The following SPECC1L variants were observed in gnomAD, a reference collection of about 807,000 sequenced individuals.
SPECC1L encodes the protein sperm antigen with calponin homology and coiled-coil domains 1 like.
In SPECC1L, 40 loss-of-function variants were observed where a neutral mutation model predicts 116.8. The observed-to-expected ratio is 0.34, with a 90% CI of 0.27 to 0.45. The LOEUF is 0.45. Among genes scored for constraint, SPECC1L ranks in the 20% least tolerant of loss-of-function variants. The pLI, the probability that SPECC1L is intolerant of heterozygous loss-of-function variation, is 1.00. For missense variants in SPECC1L, 1,110 were observed against 1,373.6 expected (o/e 0.81, Z 3.03); for synonymous variants, 504 against 500.6 (o/e 1.01, Z -0.09).
rs375957938 is a variant in SPECC1L at position 24,366,278 on chromosome 22, C to T, written c.2984+646C>T. On this transcript the variant is annotated intron_variant, in intron 13 of 16. Transcript: ENST00000314328. ...CGCGATCTCGGCTCACTGCAGGCTC[C>T]GCCCCCTGGGGTTCATGCCATTCTC... 4.6e-5 allele frequency among the ~76,000 whole-genome samples: 7 copies of T among 152,162 alleles called. No individual in the cohort carries two copies. The South Asian group carries it at 6.2e-4, about 14-fold the overall frequency.
chr22:24,339,856 C>A (rs1306825894), intron 10 of SPECC1L, among the ~76,000 whole-genome samples: 3 of 152,168 alleles, frequency 2.0e-5, no homozygotes, highest in African/African-American at 7.2e-5. Flanking sequence ...GATCTCGGCT[C>A]ACTGCACAAC....
intron 10 of SPECC1L, among the ~76,000 whole-genome samples, chr22:24,342,587 C>T (rs968187056): frequency 2.7e-5 from 4 of 150,588 alleles, no homozygotes; most frequent in South Asian, 2.1e-4. Context: ...GCAGAAGAAT[C>T]GCTTGAACCC....
intron 3 of SPECC1L, among the ~76,000 whole-genome samples, chr22:24,305,810 C>T (rs1054548295): frequency 6.6e-6 from 1 of 152,300 alleles, no homozygotes; most frequent in South Asian, 2.1e-4. Context: ...ACATTTTCTC[C>T]TGTACTTAAA....
intron 4 of SPECC1L, among the ~76,000 whole-genome samples, chr22:24,320,704 A>G (rs551971170): frequency 3.8e-4 from 58 of 152,332 alleles, no homozygotes; most frequent in Non-Finnish European, 5.4e-4. Context: ...TGTGTTAGCT[A>G]TTGTTATAAT....
At chr22:24,355,791 TCTC>T in intron 11 of SPECC1L, among the ~76,000 whole-genome samples, 1 of 152,096 alleles carries the variant, frequency 6.6e-6, no homozygotes, top group Middle Eastern at 3.4e-3. Flanking sequence ...TGCATTCTGT[TCTC>T]CTCCCCTTCT....
intron 2 of SPECC1L, among the ~76,000 whole-genome samples, chr22:24,298,093 T>C (rs148678872): frequency 1.3e-5 from 2 of 152,180 alleles, no homozygotes; most frequent in Admixed American, 6.5e-5. Context: ...GGCATGAAAC[T>C]GTCACATTTT....
Position 24,414,943 on chromosome 22 carries a change from G to A in SPECC1L, c.*320G>A, listed in dbSNP as rs1601380031. The A allele has an allele frequency of 2.6e-6, 1 of 378,616 alleles. No homozygotes were observed. Among genetic ancestry groups the A allele is most frequent in the East Asian group, 5.6e-5 (1 of 17,858 alleles). 23.5% of individuals were successfully genotyped at this position (378,616 alleles called of 1,614,324 possible). A position where few individuals can be genotyped will look rare whatever the true frequency, so the allele number is the denominator to read the frequency against. ...AGTGCTCCAGGGCACCAAACAAAAA[G>A]GGCTCATGCACAGCTGAATTTGGGA... On this transcript the variant is annotated 3_prime_UTR_variant, in exon 17 of 17. Transcript: ENST00000314328.
intron 6 of SPECC1L, among the ~76,000 whole-genome samples, chr22:24,327,299 A>AC (rs1260587751): frequency 6.6e-6 from 1 of 151,096 alleles, no homozygotes; most frequent in Admixed American, 6.6e-5. Flanking sequence ...AAAAAAAAAA[A>AC]AAACATCAGA....
Position 24,342,468 on chromosome 22 carries a change from C to T in SPECC1L, c.2652+3991C>T, listed in dbSNP as rs545350254. The stretch of plus-strand genomic sequence containing the variant: ...GGTGGATCACCTGAGGTCAGGAGTT[C>T]AAGACCAGCCTGGCCAACATGGCGA... On this transcript the variant is annotated intron_variant, in intron 10 of 16. Transcript: ENST00000314328. 1.9e-3 allele frequency among the ~76,000 whole-genome samples: 289 copies of T among 151,902 alleles called. 6 individuals are homozygous for T. The highest frequency in any genetic ancestry group is 0.011 in the Admixed American group (167 of 15,272).
chr22:24,292,366 C>A (rs2049171281), intron 2 of SPECC1L, among the ~76,000 whole-genome samples: 5 of 152,182 alleles, frequency 3.3e-5, no homozygotes, highest in Admixed American at 3.3e-4. Flanking sequence ...TGGACTGTTA[C>A]ACCATTTTTC....
intron 11 of SPECC1L, among the ~76,000 whole-genome samples, chr22:24,358,071 T>A (rs1315678015): frequency 6.6e-6 from 1 of 151,970 alleles, no homozygotes; most frequent in African/African-American, 2.4e-5. Flanking sequence ...AGTTGTGTCT[T>A]GGGTGTAAGG....
intron 11 of SPECC1L, among the ~76,000 whole-genome samples, chr22:24,356,243 T>C (rs950871841): frequency 3.3e-5 from 5 of 152,214 alleles, no homozygotes; most frequent in Non-Finnish European, 7.3e-5. Flanking sequence ...GTCTGCTCGT[T>C]TCTAGGAATT....
chr22:24,368,157 CCT>C (rs1236062325), intron 13 of SPECC1L, among the ~76,000 whole-genome samples: 1 of 152,124 alleles, frequency 6.6e-6, no homozygotes, highest in Non-Finnish European at 1.5e-5. Context: ...CATAAAGTAC[CCT>C]ACATAGAATT....
intron 3 of SPECC1L, among the ~76,000 whole-genome samples, chr22:24,303,844 G>GGGGT (rs1429613944): frequency 1.4e-5 from 2 of 143,990 alleles, no homozygotes; most frequent in African/African-American, 5.2e-5. Flanking sequence ...GTTTAAATAG[G>GGGGT]GTGTGTGTGT....
chr22:24,293,324 G>A (rs1398618559), intron 2 of SPECC1L, among the ~76,000 whole-genome samples: 3 of 152,114 alleles, frequency 2.0e-5, no homozygotes, highest in Non-Finnish European at 4.4e-5. Context: ...GTGGTGGTAC[G>A]CACCTGTAGT....
chr22:24,387,474 GA>G (rs2042182865), intron 14 of SPECC1L, among the ~76,000 whole-genome samples: 1 of 152,112 alleles, frequency 6.6e-6, no homozygotes, highest in Admixed American at 6.6e-5. Context: ...TTCACTTTGT[GA>G]AAATTCTTTT....
At chr22:24,340,427 G>C (rs1245895634) in intron 10 of SPECC1L, among the ~76,000 whole-genome samples, 2 of 152,104 alleles carry the variant, frequency 1.3e-5, no homozygotes, top group Non-Finnish European at 2.9e-5. Flanking sequence ...GATTACAGGC[G>C]TGAGCCACTG....
intron 13 of SPECC1L, among the ~76,000 whole-genome samples, chr22:24,368,524 A>G (rs185405418): frequency 1.9e-4 from 29 of 152,322 alleles, no homozygotes; most frequent in Admixed American, 1.0e-3. Flanking sequence ...CCCATTGTAG[A>G]CTTCTTAAAG....
chr22:24,391,838 A>G (rs1386238778), intron 14 of SPECC1L, among the ~76,000 whole-genome samples: 1 of 152,136 alleles, frequency 6.6e-6, no homozygotes, highest in Non-Finnish European at 1.5e-5. Flanking sequence ...TTCTTTTTCC[A>G]TTTAACTTCC....
Sources: allele counts gnomAD v4.1 joint callset (sites outside exome capture counted in the v4.1 genomes callset), GRCh38; gene constraint gnomAD v4.1.1; transcripts MANE v1.5; gene names NCBI Gene and HGNC (gene_info 2026-07-23, HGNC 2026-07-21).